The following NLN variants were observed in gnomAD, a reference collection of about 807,000 sequenced individuals.
NLN encodes neurolysin.
In NLN, 64 loss-of-function variants were observed where a neutral mutation model predicts 79.9. The ratio of observed to expected loss-of-function variants is 0.80; its 90% CI spans 0.65 to 0.99. The LOEUF (loss-of-function observed/expected upper bound fraction) is 0.99. NLN is among the 50% of genes least tolerant of loss of function. The pLI is 0.00. For synonymous variants in NLN, 267 were observed against 296.6 expected (o/e 0.90, Z 1.02); for missense variants, 835 against 858.7 (o/e 0.97, Z 0.34).
In NLN at chr5:65,801,284, T is replaced by C. The variant is rs140624911; in HGVS notation, c.1528-8231T>C. On this transcript the variant is annotated intron_variant, in intron 9 of 12. Transcript: ENST00000380985. ...GCATTGATAACTATATGAAGTACTT[T>C]TTTAGGGTTCTTTGGATTATAGTTT... 1.2e-3 allele frequency among the ~76,000 whole-genome samples: 181 copies of C among 152,324 alleles called. 1 individual carries two copies. The highest frequency in any genetic ancestry group is 3.8e-3 in the African/African-American group (158 of 41,554).
At chr5:65,797,668 A>G (rs1230290924) in intron 9 of NLN, among the ~76,000 whole-genome samples, 1 of 152,238 alleles carries the variant, frequency 6.6e-6, no homozygotes, top group East Asian at 1.9e-4. Context: ...GTGAAAAGGC[A>G]TTTGGAAAAG....
intron 1 of NLN, among the ~76,000 whole-genome samples, chr5:65,750,735 G>C (rs1759085401): frequency 6.6e-6 from 1 of 151,508 alleles, no homozygotes; most frequent in African/African-American, 2.4e-5. Context: ...TAAAGAGAAA[G>C]AGAGAGAGAG....
chr5:65,725,403 T>C (rs938725663), intron 1 of NLN, among the ~76,000 whole-genome samples: 2 of 152,252 alleles, frequency 1.3e-5, no homozygotes, highest in African/African-American at 4.8e-5. Context: ...CACTGTTACA[T>C]TAATATCCAA....
intron 8 of NLN, among the ~76,000 whole-genome samples, chr5:65,789,992 G>T (rs1760020280): frequency 6.6e-6 from 1 of 152,124 alleles, no homozygotes; most frequent in South Asian, 2.1e-4. Flanking sequence ...ATGCATTAAA[G>T]ACTATATGTG....
intron 1 of NLN, among the ~76,000 whole-genome samples, chr5:65,750,926 A>T (rs1365407177): frequency 6.6e-6 from 1 of 152,144 alleles, no homozygotes; most frequent in Non-Finnish European, 1.5e-5. Flanking sequence ...ATGGCCTGAG[A>T]AGTTGTGAGG....
intron 3 of NLN, among the ~76,000 whole-genome samples, chr5:65,772,451 G>A (rs116247996): frequency 0.016 from 2,390 of 152,206 alleles, 69 homozygotes; most frequent in African/African-American, 0.054. Flanking sequence ...TGAATCTTGC[G>A]ATGGCATATT....
intron 1 of NLN, among the ~76,000 whole-genome samples, chr5:65,732,308 C>T (rs1232431887): frequency 1.1e-5 from 1 of 89,016 alleles, no homozygotes; most frequent in Admixed American, 9.7e-5. Context: ...CAGAGAGAGA[C>T]ATGCAGGGAG....
chr5:65,726,698 C>G (rs1429647496), intron 1 of NLN, among the ~76,000 whole-genome samples: 1 of 152,140 alleles, frequency 6.6e-6, no homozygotes, highest in Non-Finnish European at 1.5e-5. Flanking sequence ...TTGTTAGAAG[C>G]TACCATAAAT....
chr5:65,801,877 G>T (rs1021422259), intron 9 of NLN, among the ~76,000 whole-genome samples: 1 of 151,946 alleles, frequency 6.6e-6, no homozygotes, highest in African/African-American at 2.4e-5. Flanking sequence ...ACACATTTTT[G>T]TTGTCATTTG....
chr5:65,761,393 A>G (rs776355996), intron 2 of NLN, among the ~76,000 whole-genome samples: 15 of 152,014 alleles, frequency 9.9e-5, no homozygotes, highest in Non-Finnish European at 1.8e-4. Context: ...CCCGGGTTCA[A>G]TCAATTCTCC....
chr5:65,804,093 G>T (rs374623208), intron 9 of NLN, among the ~76,000 whole-genome samples: 4 of 152,160 alleles, frequency 2.6e-5, no homozygotes, highest in South Asian at 4.1e-4. Context: ...TAAGACTTTT[G>T]TATTTTAGAT....
chr5:65,779,049 CAA>C (rs771147388), intron 4 of NLN, among the ~76,000 whole-genome samples: 64 of 152,210 alleles, frequency 4.2e-4, no homozygotes, highest in Non-Finnish European at 7.2e-4. Context: ...ATGGGCGCTG[CAA>C]AGTGGGGCAG....
rs2087776197 is a variant in NLN, at chr5:65,722,291, C to T, written c.-83C>T. 8.8e-7 allele frequency: 1 copy of T among 1,141,990 alleles called. No homozygotes were observed. The highest frequency in any genetic ancestry group is 1.2e-6 in the Non-Finnish European group (1 of 831,636). 70.7% of individuals were successfully genotyped at this position (1,141,990 alleles called of 1,614,324 possible). A position where few individuals can be genotyped will look rare whatever the true frequency, so the allele number is the denominator to read the frequency against. ...TGCGGCTAGGCCGGCTCGAGACTCC[C>T]GGGCGCCCAGGCGCTGCCGCCCGCC... is the stretch of plus-strand genomic sequence containing the variant. On this transcript the variant is annotated 5_prime_UTR_variant, in exon 1 of 13. Coordinates refer to ENST00000380985, the MANE Select transcript of NLN (RefSeq NM_020726.5).
intron 3 of NLN, among the ~76,000 whole-genome samples, chr5:65,773,644 T>G (rs2150753376): frequency 6.6e-6 from 1 of 152,162 alleles, no homozygotes; most frequent in Middle Eastern, 3.4e-3. Flanking sequence ...TGGGGGAAAT[T>G]AAGAAACTCA....
chr5:65,758,634 A>G lies in NLN; in HGVS notation c.109A>G (p.Met37Val), dbSNP rs771228087. Residue 37 changes from methionine to valine, a missense_variant, in exon 2 of 13, where the codon ATG (methionine) becomes GTG (valine). Physicochemically the swap from Met to Val is conservative, Grantham distance 21 (BLOSUM62 1). Transcript: ENST00000380985. ...AGAAGTGATGTCTCCTCTTCAGGCA[A>G]TGTCTTCCTATACTGTGGCTGGCAG... ...GREVMSPLQA[M>V]SSYTVAGRNV... 1.2e-6 allele frequency: 2 copies of G among 1,612,156 alleles called. No individual in the cohort carries two copies. The highest frequency in any genetic ancestry group is 1.7e-6 in the Non-Finnish European group (2 of 1,178,322).
intron 1 of NLN, among the ~76,000 whole-genome samples, chr5:65,755,229 TG>T (rs1351266294): frequency 1.3e-5 from 2 of 152,220 alleles, no homozygotes; most frequent in Non-Finnish European, 2.9e-5. Flanking sequence ...ATCATAACTA[TG>T]ATAAATTTCT....
intron 3 of NLN, among the ~76,000 whole-genome samples, chr5:65,766,071 G>T (rs1442751871): frequency 2.0e-5 from 3 of 152,150 alleles, no homozygotes; most frequent in Non-Finnish European, 4.4e-5. Flanking sequence ...AGTTTCTATG[G>T]ATCAAGAATT....
intron 3 of NLN, among the ~76,000 whole-genome samples, chr5:65,766,556 G>A (rs1374710203): frequency 6.6e-6 from 1 of 152,134 alleles, no homozygotes; most frequent in Admixed American, 6.5e-5. Context: ...GATTTGGGTA[G>A]GGACACAGCC....
chr5:65,780,734 C>T (rs889703820), intron 5 of NLN, among the ~76,000 whole-genome samples: 9 of 152,202 alleles, frequency 5.9e-5, no homozygotes, highest in South Asian at 4.1e-4. Flanking sequence ...AGTGCGATGG[C>T]GCAATCTCGC....
Sources: allele counts gnomAD v4.1 joint callset (sites outside exome capture counted in the v4.1 genomes callset), GRCh38; gene constraint gnomAD v4.1.1; transcripts MANE v1.5; gene names NCBI Gene and HGNC (gene_info 2026-07-23, HGNC 2026-07-21).